The following TRAK1 variants were observed in gnomAD, a reference collection of about 807,000 sequenced individuals.
TRAK1 encodes trafficking kinesin protein 1.
A neutral mutation model predicts 92.1 loss-of-function variants in TRAK1; 33 were observed. The observed-to-expected ratio is 0.36, with a 90% CI of 0.27 to 0.48. The LOEUF (loss-of-function observed/expected upper bound fraction) is 0.48, where lower values mean the gene tolerates loss of function less well. Ranked by LOEUF, TRAK1 falls within the 20% of genes least tolerant of loss-of-function variation. The probability of loss-of-function intolerance (pLI) is 0.99; values close to 1 mark genes in which losing one functional copy is unlikely to be tolerated. For missense variants in TRAK1, 1,123 were observed against 1,257.9 expected, an observed-to-expected ratio of 0.89 and a Z score of 1.62; for synonymous variants, 521 against 517.3, an observed-to-expected ratio of 1.01 and a Z score of -0.10.
chr3:42,166,635 A>G (rs927952304), intron 2 of TRAK1, among the ~76,000 whole-genome samples: 5 of 152,256 alleles, frequency 3.3e-5, no homozygotes, highest in Admixed American at 2.0e-4. Context: ...GTAGATACCC[A>G]GTAGTAGTAT....
chr3:42,065,803 A>AT (rs1164322408), intron 1 of TRAK1, among the ~76,000 whole-genome samples: 9 of 151,752 alleles, frequency 5.9e-5, no homozygotes, highest in East Asian at 2.0e-4. Context: ...CTCATTCTTA[A>AT]TTTTTTTATA....
intron 2 of TRAK1, 101 bp downstream of exon 2, chr3:42,125,715 C>A: frequency 7.6e-7 from 1 of 1,320,882 alleles, no homozygotes; most frequent in South Asian, 1.5e-5. Flanking sequence ...TGTGATGTGG[C>A]TTGCCACCTC....
In TRAK1 at chr3:42,119,836, C is replaced by T. The variant is rs549061132; in HGVS notation, c.92-5584C>T. Among the ~76,000 whole-genome samples, 4 of 152,210 alleles carry T rather than the reference C, an allele frequency of 2.6e-5. No individual in the cohort carries two copies. In the South Asian group the frequency reaches 8.3e-4, roughly 32 times the overall value. ...TTGCATGACCAAAAGGAAGAAGTGG[C>T]AATTGCATACTGGGAAACACTCAGT... On this transcript the variant is annotated intron_variant, in intron 1 of 15. Transcript: ENST00000327628.
chr3:42,094,215 C>T (rs1439478958), intron 1 of TRAK1, among the ~76,000 whole-genome samples: 1 of 152,134 alleles, frequency 6.6e-6, no homozygotes, highest in Non-Finnish European at 1.5e-5. Context: ...GCACCAATGC[C>T]AGGCTCAGGC....
At chr3:42,134,013 G>A (rs554409702) in intron 2 of TRAK1, among the ~76,000 whole-genome samples, 53 of 152,036 alleles carry the variant, frequency 3.5e-4, no homozygotes, top group Non-Finnish European at 6.3e-4. Context: ...CAAAACAGGC[G>A]TGAACAGACA....
chr3:42,155,192 G>A (rs1481137863), intron 2 of TRAK1, among the ~76,000 whole-genome samples: 14 of 152,146 alleles, frequency 9.2e-5, no homozygotes, highest in East Asian at 3.9e-4. Flanking sequence ...AAAGGAAAAC[G>A]GGTTTGGGAT....
chr3:42,216,783 CGTT>C (rs1274795931), intron 14 of TRAK1, among the ~76,000 whole-genome samples: 2 of 152,100 alleles, frequency 1.3e-5, no homozygotes, highest in African/African-American at 4.8e-5. Context: ...AAATATTTGT[CGTT>C]GTTAATACTC....
chr3:42,076,586 T>C (rs1576252372), intron 1 of TRAK1, among the ~76,000 whole-genome samples: 1 of 152,208 alleles, frequency 6.6e-6, no homozygotes, highest in Admixed American at 6.5e-5. Flanking sequence ...CTGTGGGCTC[T>C]CTGTTTATTG....
At chr3:42,073,307 G>A (rs554268435) in intron 1 of TRAK1, among the ~76,000 whole-genome samples, 20 of 152,222 alleles carry the variant, frequency 1.3e-4, no homozygotes, top group Non-Finnish European at 2.4e-4. Flanking sequence ...TGCTGCTGTC[G>A]GCTCGTCTAA....
At chr3:42,075,810 A>G (rs1482830513) in intron 1 of TRAK1, among the ~76,000 whole-genome samples, 1 of 151,742 alleles carries the variant, frequency 6.6e-6, no homozygotes, top group Non-Finnish European at 1.5e-5. Flanking sequence ...GTGTCTGTTC[A>G]TGGCCTTTGC....
At chr3:42,084,942 A>G (rs1704604643), upstream of TRAK1, among the ~76,000 whole-genome samples, 1 of 150,526 alleles carries the variant, frequency 6.6e-6, no homozygotes, top group South Asian at 2.1e-4. Flanking sequence ...TCCCATTTTC[A>G]TATTTATTTT....
chr3:42,094,512 G>T (rs1705607813), intron 1 of TRAK1, among the ~76,000 whole-genome samples: 1 of 151,950 alleles, frequency 6.6e-6, no homozygotes, highest in Non-Finnish European at 1.5e-5. Context: ...AAGTAGCTGC[G>T]ACTATGGGCT....
At position 42,212,831 on chromosome 3, in the gene TRAK1, G is replaced by C. The variant is rs1240894346; in HGVS notation, c.1963+2846G>C. On this transcript the variant is annotated intron_variant, in intron 14 of 15. Transcript: ENST00000327628. ...AGTTGGCTAGTGGATGGGCAGTTCA[G>C]TTGAATTATCTTGAATGCTTTGATC... is the stretch of plus-strand genomic sequence containing the variant. Among the ~76,000 whole-genome samples the C allele has an allele frequency of 5.9e-5, 9 of 152,292 alleles. No individual in the cohort carries two copies. The South Asian group carries it at 6.2e-4, about 11-fold the overall frequency.
At chr3:42,211,152 A>T (rs1331039665) in intron 14 of TRAK1, 20 of 985,106 alleles carry the variant, frequency 2.0e-5, no homozygotes, top group Middle Eastern at 5.2e-4. Flanking sequence ...TGTGATTCAT[A>T]ATTTTCATTT....
At chr3:42,150,842 A>G (rs1699874609) in intron 2 of TRAK1, among the ~76,000 whole-genome samples, 1 of 152,184 alleles carries the variant, frequency 6.6e-6, no homozygotes, top group Non-Finnish European at 1.5e-5. Flanking sequence ...ATTTTGAGTA[A>G]CAAGGATTGG....
chr3:42,065,453 G>C (rs1466788766), intron 1 of TRAK1, among the ~76,000 whole-genome samples: 2 of 152,000 alleles, frequency 1.3e-5, no homozygotes, highest in African/African-American at 4.8e-5. Flanking sequence ...CACCATGCCA[G>C]TGCTCAAAAG....
chr3:42,062,544 C>T (rs1703493093), intron 1 of TRAK1, among the ~76,000 whole-genome samples: 1 of 152,174 alleles, frequency 6.6e-6, no homozygotes, highest in Non-Finnish European at 1.5e-5. Context: ...TATTTGAGTC[C>T]TGGCACCTCT....
chr3:42,118,974 C>G (rs1261340483), intron 1 of TRAK1, among the ~76,000 whole-genome samples: 1 of 152,188 alleles, frequency 6.6e-6, no homozygotes, highest in African/African-American at 2.4e-5. Context: ...CCTCATGTTG[C>G]AGGCTGGGCA....
chr3:42,153,186 T>G (rs954357694), intron 2 of TRAK1, among the ~76,000 whole-genome samples: 1 of 152,130 alleles, frequency 6.6e-6, no homozygotes, highest in African/African-American at 2.4e-5. Flanking sequence ...GGAGGATCAC[T>G]TGAGGCCAGG....
Sources: gnomAD v4.1 joint callset for allele counts (sites outside exome capture counted in the v4.1 genomes callset) on GRCh38, gnomAD v4.1.1 for gene constraint, MANE v1.5 for transcripts, NCBI Gene and HGNC (gene_info 2026-07-23, HGNC 2026-07-21) for gene names.